BAZ2A: variants seen among roughly 807,000 people sequenced by gnomAD.
The protein encoded by BAZ2A is bromodomain adjacent to zinc finger domain protein 2A.
Under a neutral mutation model 199.9 loss-of-function variants are expected in BAZ2A, and 34 were observed. That is an observed-to-expected ratio of 0.17 (90% CI 0.13 to 0.23). The LOEUF is 0.23. BAZ2A is among the 10% of genes least tolerant of loss of function. BAZ2A has a pLI of 1.00. For synonymous variants in BAZ2A, 857 were observed against 883.9 expected (o/e 0.97, Z 0.54); for missense variants, 2,002 against 2,391.1 (o/e 0.84, Z 3.39).
Position 56,601,395 on chromosome 12 carries a change from C to T in BAZ2A, c.4079G>A (p.Arg1360Lys), listed in dbSNP as rs1422822135. ...AGAACAAGGGTTGGCAGCACTAGGTCTATTCATCTGTGAATAAAATGAGAC... is the reference window on the plus strand; with the variant it reads ...AGAACAAGGGTTGGCAGCACTAGGTTTATTCATCTGTGAATAAAATGAGAC... ...QQLASSKPMNRPSAANPCSPV... is the reference protein window; with the variant it reads ...QQLASSKPMNKPSAANPCSPV... Residue 1360 changes from arginine to lysine, a missense_variant, in exon 21 of 29, where the codon AGA becomes AAA. Arg to Lys is a conservative substitution (Grantham distance 26). Coordinates refer to ENST00000549884, the MANE Select transcript of BAZ2A (RefSeq NM_001300905.2). 1 of 1,613,142 alleles carries T rather than the reference C, an allele frequency of 6.2e-7. No homozygotes were observed. Among genetic ancestry groups the T allele is most frequent in the East Asian group, 2.2e-5 (1 of 44,870 alleles).
In BAZ2A at chr12:56,598,437, G is replaced by C; in HGVS notation, c.*181C>G. 1 of 731,464 alleles carries C rather than the reference G, an allele frequency of 1.4e-6. No individual in the cohort carries two copies. Among genetic ancestry groups the C allele is most frequent in the Non-Finnish European group, 2.2e-6 (1 of 458,586 alleles). 45.3% of individuals were successfully genotyped at this position (731,464 alleles called of 1,614,324 possible). A position where few individuals can be genotyped will look rare whatever the true frequency, so the allele number is the denominator to read the frequency against. On this transcript the variant is annotated 3_prime_UTR_variant, in exon 29 of 29. Coordinates refer to ENST00000549884, the MANE Select transcript of BAZ2A (RefSeq NM_001300905.2). ...ACCTCTTACTTGAGGAGCAAGAGGA[G>C]GGAAGGGAGAAAGGGATGTAGGAAT... is the stretch of plus-strand genomic sequence containing the variant.
At chr12:56,608,076 A>G (rs941762122) in intron 10 of BAZ2A, among the ~76,000 whole-genome samples, 2 of 137,680 alleles carry the variant, frequency 1.5e-5, no homozygotes, top group African/African-American at 2.7e-5. Context: ...CTCCATCTGG[A>G]AAAAAAAAAA....
At chr12:56,611,391 G>A in intron 7 of BAZ2A, 182 bp downstream of exon 7, 2 of 655,282 alleles carry the variant, frequency 3.1e-6, no homozygotes, top group Non-Finnish European at 5.2e-6. Context: ...GACCTTGAGA[G>A]AAGAAGGAAA....
rs763632856 is a variant in BAZ2A, at chr12:56,604,189, G to C, written c.3038+28C>G. The stretch of plus-strand genomic sequence containing the variant: ...CACCCGCCCCACTTCTCTCCTCTCT[G>C]AGGCTCTACTCTCTGTCTGGTCCCT... On this transcript the variant is annotated intron_variant, in intron 16 of 28. Transcript: ENST00000549884. 4.4e-6 allele frequency: 7 copies of C among 1,582,440 alleles called. No individual in the cohort carries two copies. In the East Asian group the frequency reaches 1.6e-4, roughly 36 times the overall value.
At chr12:56,599,104 T>C in intron 27 of BAZ2A, 25 bp downstream of exon 27, 1 of 1,600,756 alleles carries the variant, frequency 6.2e-7, no homozygotes, top group Non-Finnish European at 8.5e-7. Flanking sequence ...GAGCCAACTG[T>C]CCCCCCAGGA....
chr12:56,636,173 C>G, intron 1 of BAZ2A: 1 of 1,593,568 alleles, frequency 6.3e-7, no homozygotes, highest in South Asian at 1.1e-5. Flanking sequence ...GGCTGGTCCC[C>G]ATACTCACCC....
At chr12:56,602,277 CTTT>C in intron 19 of BAZ2A, 85 bp from the exon 20 acceptor site, 1 of 1,214,728 alleles carries the variant, frequency 8.2e-7, no homozygotes, top group Admixed American at 2.8e-5. Flanking sequence ...CCTATACTTT[CTTT>C]TTCTCTTGGA....
intron 21 of BAZ2A, 29 bp from the exon 22 acceptor site, chr12:56,601,127 GC>G: frequency 6.2e-6 from 10 of 1,613,728 alleles, no homozygotes; most frequent in Non-Finnish European, 8.5e-6. Flanking sequence ...TATGTGGGGC[GC>G]CAGCTGTGAA....
At chr12:56,606,784 C>CT in intron 10 of BAZ2A, 51 bp from the exon 11 acceptor site, 1 of 1,500,058 alleles carries the variant, frequency 6.7e-7, no homozygotes, top group Non-Finnish European at 9.3e-7. Flanking sequence ...AGGCAGTTCT[C>CT]TAGCATCCAG....
Position 56,599,288 on chromosome 12 carries a change from G to A in BAZ2A, c.5243C>T (p.Ser1748Leu), listed in dbSNP as rs760456958. The change falls in exon 27 of 29, where the codon TCG becomes TTG. Residue 1748 changes from serine (S) to leucine (L), a missense_variant. By Grantham distance (145) the Ser-to-Leu change is moderately radical (BLOSUM62 -2). Coordinates refer to ENST00000549884, the MANE Select transcript of BAZ2A (RefSeq NM_001300905.2). ...KRGQKRKSGY[S>L]LNFSEGDGRR... ...GCCATCACCCTCTGAGAAGTTCAGC[G>A]AATAACCACTTTTCCGCTTCTGGCC... The A allele has an allele frequency of 3.7e-5, 60 of 1,613,398 alleles. No individual in the cohort carries two copies. Among genetic ancestry groups the A allele is most frequent in the Admixed American group, 6.7e-5 (4 of 59,982 alleles).
upstream of BAZ2A, among the ~76,000 whole-genome samples, chr12:56,633,217 T>C (rs1951360872): frequency 6.6e-6 from 1 of 151,998 alleles, no homozygotes; most frequent in Non-Finnish European, 1.5e-5. Context: ...CTGGCTCCAC[T>C]CTGTAGCCAG....
upstream of BAZ2A, chr12:56,638,179 G>A (rs1951484764): frequency 1.5e-6 from 1 of 654,800 alleles, no homozygotes; most frequent in Non-Finnish European, 2.6e-6. Flanking sequence ...GACAAATTCT[G>A]AGGGGTGTAC....
intron 1 of BAZ2A, among the ~76,000 whole-genome samples, chr12:56,620,013 G>A (rs997842160): frequency 2.3e-4 from 35 of 152,128 alleles, no homozygotes; most frequent in Non-Finnish European, 4.3e-4. Context: ...GTTGATTTAA[G>A]GGAAAAAGTT....
chr12:56,603,476 A>T lies in BAZ2A; in HGVS notation c.3219+44T>A, dbSNP rs1390241884. ...GAGGTTATCAGATTCAAGAAAGAGGAATTTATTTTCTAACTCCCACTTTCC... is the reference window on the plus strand; with the variant it reads ...GAGGTTATCAGATTCAAGAAAGAGGTATTTATTTTCTAACTCCCACTTTCC... On this transcript the variant is annotated intron_variant, in intron 17 of 28. Transcript: ENST00000549884. The T allele has an allele frequency of 4.3e-6, 7 of 1,613,650 alleles. No homozygotes were observed. The African/African-American group carries it at 9.3e-5, about 22-fold the overall frequency.
At position 56,609,958 on chromosome 12, in the gene BAZ2A, A is replaced by G; in HGVS notation, c.1882-12T>C. ...ACCCACTGCAAGCCCTAAGGTAGCA[A>G]GGGAGACTGTTACAGTAGTAAGGAA... On this transcript the variant is annotated splice_polypyrimidine_tract_variant and intron_variant, in intron 9 of 28. Coordinates refer to ENST00000549884, the MANE Select transcript of BAZ2A (RefSeq NM_001300905.2). 6.2e-7 allele frequency: 1 copy of G among 1,611,350 alleles called. No individual in the cohort carries two copies. Among genetic ancestry groups the G allele is most frequent in the Non-Finnish European group, 8.5e-7 (1 of 1,179,366 alleles).
rs779835957 is a variant in BAZ2A at position 56,599,971 on chromosome 12, T to C, written c.5018A>G (p.Asn1673Ser). 6.2e-7 allele frequency: 1 copy of C among 1,613,984 alleles called. No individual in the cohort carries two copies. Among genetic ancestry groups the C allele is most frequent in the South Asian group, 1.1e-5 (1 of 91,080 alleles). Residue 1673 changes from asparagine (N) to serine (S), a missense_variant, in exon 25 of 29, where the codon AAC (asparagine) becomes AGC (serine). By Grantham distance (46) the Asn-to-Ser change is conservative. Coordinates refer to ENST00000549884, the MANE Select transcript of BAZ2A (RefSeq NM_001300905.2). ...ERSIAWEKSVNKVTCLVCRKG... is the reference protein window; with the variant it reads ...ERSIAWEKSVSKVTCLVCRKG... ...GCTCTCTCAGCCTCTTACCACTTTG[T>C]TGACAGACTTCTCCCAGGCAATGGA... is the stretch of plus-strand genomic sequence containing the variant.
intron 11 of BAZ2A, 105 bp downstream of exon 11, chr12:56,606,528 A>T (rs769401714): frequency 1.6e-6 from 2 of 1,277,736 alleles, no homozygotes; most frequent in Admixed American, 3.5e-5. Context: ...GGTAATGAAG[A>T]TATGCTGCTA....
intron 1 of BAZ2A, among the ~76,000 whole-genome samples, chr12:56,624,584 T>A (rs1951021162): frequency 6.7e-6 from 1 of 149,066 alleles, no homozygotes. Context: ...CCAATGAAGG[T>A]CATGGGCTTT....
chr12:56,634,958 G>A (rs939849464), upstream of BAZ2A: 2 of 984,952 alleles, frequency 2.0e-6, no homozygotes, highest in Non-Finnish European at 2.4e-6. Flanking sequence ...GAGCAGGGCC[G>A]GGCCGCAGGC....
Sources: allele counts gnomAD v4.1 joint callset (sites outside exome capture counted in the v4.1 genomes callset), GRCh38; gene constraint gnomAD v4.1.1; transcripts MANE v1.5; gene names NCBI Gene and HGNC (gene_info 2026-07-23, HGNC 2026-07-21).